Variants in SYCP2 observed in about 807,000 individuals in gnomAD.
SYCP2 encodes the protein synaptonemal complex protein 2.
SYCP2 carries 55 observed loss-of-function variants against 211.3 expected under a neutral mutation model. The ratio of observed to expected loss-of-function variants is 0.26; its 90% CI spans 0.21 to 0.33. SYCP2 has a LOEUF of 0.33. SYCP2 is among the 10% of genes least tolerant of loss of function. The pLI is 1.00. For synonymous variants in SYCP2, 570 were observed against 555.2 expected (o/e 1.03, Z -0.37); for missense variants, 1,731 against 1,752.0 (o/e 0.99, Z 0.21).
intron 7 of SYCP2, among the ~76,000 whole-genome samples, chr20:59,916,809 C>T (rs2060451783): frequency 6.6e-6 from 1 of 152,102 alleles, no homozygotes; most frequent in Non-Finnish European, 1.5e-5. Context: ...ATCCCAGCTA[C>T]ATGGGAGGCT....
rs1374963659 is a variant in SYCP2 at position 59,919,600 on chromosome 20, A to G, written c.298-3T>C. 2.6e-6 allele frequency: 4 copies of G among 1,566,004 alleles called. No homozygotes were observed. Among genetic ancestry groups the G allele is most frequent in the Non-Finnish European group, 3.5e-6 (4 of 1,142,752 alleles). On this transcript the variant is annotated splice_polypyrimidine_tract_variant and splice_region_variant and intron_variant, in intron 5 of 44. Coordinates refer to ENST00000357552, the MANE Select transcript of SYCP2 (RefSeq NM_014258.4). ...GATTTTTCAAACCAGGCAACCATGTAAAAAAAGGAATGAACTTATTAGAGT... is the reference window on the plus strand; with the variant it reads ...GATTTTTCAAACCAGGCAACCATGTGAAAAAAGGAATGAACTTATTAGAGT...
intron 2 of SYCP2, among the ~76,000 whole-genome samples, chr20:59,930,616 T>G (rs138017873): frequency 6.6e-6 from 1 of 152,336 alleles, no homozygotes; most frequent in African/African-American, 2.4e-5. Context: ...GTAAGCAATC[T>G]ATATTAATAT....
chr20:59,892,785 A>C, intron 22 of SYCP2, 84 bp from the exon 23 acceptor site: 1 of 1,267,060 alleles, frequency 7.9e-7, no homozygotes, highest in Non-Finnish European at 1.1e-6. Flanking sequence ...GTCAACGTTT[A>C]CTGAAAGCGA....
At chr20:59,901,107 T>C (rs545535447) in intron 16 of SYCP2, among the ~76,000 whole-genome samples, 9 of 151,986 alleles carry the variant, frequency 5.9e-5, no homozygotes, top group Non-Finnish European at 1.0e-4. Context: ...CAATTGAATA[T>C]CTCCCCAAAA....
At chr20:59,897,867 T>A (rs1424636072) in intron 18 of SYCP2, among the ~76,000 whole-genome samples, 2 of 152,054 alleles carry the variant, frequency 1.3e-5, no homozygotes, top group Non-Finnish European at 2.9e-5. Flanking sequence ...GCAGATCACC[T>A]GAGGTCAGGA....
intron 18 of SYCP2, among the ~76,000 whole-genome samples, chr20:59,896,899 T>C (rs1054581227): frequency 6.6e-6 from 1 of 152,200 alleles, no homozygotes; most frequent in Non-Finnish European, 1.5e-5. Context: ...GGATTACATA[T>C]TTATATGAAA....
rs188447476 is a variant in SYCP2, at chr20:59,915,135, T to C, written c.634+30A>G. ...CTATCTGCTATTCATAAATATGGAA[T>C]AATTTTAGATTTGGAAAAGACATAC... On this transcript the variant is annotated intron_variant, in intron 10 of 44. Transcript: ENST00000357552. 16 of 1,398,232 alleles carry C rather than the reference T, an allele frequency of 1.1e-5. No homozygotes were observed. In the East Asian group the frequency reaches 2.8e-4, roughly 24 times the overall value. The allele number at this position is 1,398,232 out of a possible 1,614,324, so 86.6% of individuals were successfully genotyped here. A position where few individuals can be genotyped will look rare whatever the true frequency, so the allele number is the denominator to read the frequency against.
chr20:59,864,125 T>G lies in SYCP2; in HGVS notation c.*186A>C. ...TGTATAGACAGAAGTCTTCTGGGCTTGGACTCATGTTATAGTGGTTCCCTC... is the reference window on the plus strand; with the variant it reads ...TGTATAGACAGAAGTCTTCTGGGCTGGGACTCATGTTATAGTGGTTCCCTC... On this transcript the variant is annotated 3_prime_UTR_variant, in exon 45 of 45. Coordinates refer to ENST00000357552, the MANE Select transcript of SYCP2 (RefSeq NM_014258.4). The G allele has an allele frequency of 2.5e-6, 1 of 402,106 alleles. No individual in the cohort carries two copies. Among genetic ancestry groups the G allele is most frequent in the Middle Eastern group, 6.8e-4 (1 of 1,464 alleles). 24.9% of individuals were successfully genotyped at this position (402,106 alleles called of 1,614,324 possible).
intron 8 of SYCP2, 135 bp from the exon 9 acceptor site, chr20:59,915,685 T>G (rs2060426229): frequency 1.6e-6 from 1 of 616,266 alleles, no homozygotes; most frequent in East Asian, 2.9e-5. Context: ...TGGAGTAGGA[T>G]GGAGGAAAGA....
chr20:59,902,906 A>G (rs996370059), intron 15 of SYCP2, among the ~76,000 whole-genome samples: 1 of 152,162 alleles, frequency 6.6e-6, no homozygotes, highest in African/African-American at 2.4e-5. Context: ...TCATGTTTTG[A>G]TGAAAATTAA....
At position 59,864,244 on chromosome 20, in the gene SYCP2, AT is replaced by A; in HGVS notation, c.*66del. ...TGTATATTTTTCTCTTTGTAGGACT[AT>A]TCTTATTTCCTCAGTTATATACAGA... is the stretch of plus-strand genomic sequence containing the variant. On this transcript the variant is annotated 3_prime_UTR_variant, in exon 45 of 45. Transcript: ENST00000357552. 1 of 1,139,638 alleles carries A rather than the reference AT, an allele frequency of 8.8e-7. No homozygotes were observed. The highest frequency in any genetic ancestry group is 1.3e-6 in the Non-Finnish European group (1 of 789,474). 70.6% of individuals were successfully genotyped at this position (1,139,638 alleles called of 1,614,324 possible). A position where few individuals can be genotyped will look rare whatever the true frequency, so the allele number is the denominator to read the frequency against.
chr20:59,865,866 C>A lies in SYCP2; in HGVS notation c.4321-1G>T. ...TCTGAAATATCTTTTCCCAAAAGTC[C>A]TAAATTAATTAATAAAATTTTATTT... is the stretch of plus-strand genomic sequence containing the variant. On this transcript the variant is annotated splice_acceptor_variant, in intron 41 of 44. Transcript: ENST00000357552. LOFTEE classifies it high-confidence loss of function. The A allele has an allele frequency of 7.5e-7, 1 of 1,337,152 alleles. No homozygotes were observed. Among genetic ancestry groups the A allele is most frequent in the South Asian group, 1.8e-5 (1 of 55,234 alleles). 82.8% of individuals were successfully genotyped at this position (1,337,152 alleles called of 1,614,324 possible).
At chr20:59,895,380 C>T (rs1428920262) in intron 20 of SYCP2, 57 bp downstream of exon 20, 1 of 1,453,038 alleles carries the variant, frequency 6.9e-7, no homozygotes, top group Non-Finnish European at 9.4e-7. Context: ...TAGCTCAATA[C>T]ATATTTCCAC....
At chr20:59,888,458 T>TA (rs769124473) in intron 24 of SYCP2, among the ~76,000 whole-genome samples, 3 of 151,908 alleles carry the variant, frequency 2.0e-5, no homozygotes, top group Non-Finnish European at 2.9e-5. Flanking sequence ...AGATTCACGA[T>TA]AAAAAACCCT....
intron 7 of SYCP2, among the ~76,000 whole-genome samples, chr20:59,917,208 CATTA>C (rs1376852000): frequency 2.6e-5 from 4 of 152,010 alleles, no homozygotes; most frequent in South Asian, 2.1e-4. Flanking sequence ...AAACTGACCT[CATTA>C]ATTTTTAGTT....
chr20:59,878,001 G>C lies in SYCP2; in HGVS notation c.2979+7C>G. Reference sequence around the variant, plus strand: ...AGGGATGTTTGAACACAAACTTCTTGGCTTACCATTTTAGAGCTTGGCTGT... The same window carrying C: ...AGGGATGTTTGAACACAAACTTCTTCGCTTACCATTTTAGAGCTTGGCTGT... On this transcript the variant is annotated splice_region_variant and intron_variant, in intron 32 of 44. Coordinates refer to ENST00000357552, the MANE Select transcript of SYCP2 (RefSeq NM_014258.4). 1 of 1,598,296 alleles carries C rather than the reference G, an allele frequency of 6.3e-7. No homozygotes were observed. Among genetic ancestry groups the C allele is most frequent in the East Asian group, 2.3e-5 (1 of 44,270 alleles).
rs764994250 is a variant in SYCP2, at chr20:59,921,459, G to C, written c.25-6C>G. On this transcript the variant is annotated splice_region_variant and splice_polypyrimidine_tract_variant and intron_variant, in intron 3 of 44. Coordinates refer to ENST00000357552, the MANE Select transcript of SYCP2 (RefSeq NM_014258.4). ...TCAATGCATTTTTCCAACTGCTAGA[G>C]AAATATATTTAATGGCACATACTGT... is the stretch of plus-strand genomic sequence containing the variant. 2 of 1,593,104 alleles carry C rather than the reference G, an allele frequency of 1.3e-6. No individual in the cohort carries two copies. The highest frequency in any genetic ancestry group is 1.7e-6 in the Non-Finnish European group (2 of 1,168,378).
At chr20:59,919,781 T>C (rs185127573) in intron 5 of SYCP2, among the ~76,000 whole-genome samples, 184 bp from the exon 6 acceptor site, 82 of 151,796 alleles carry the variant, frequency 5.4e-4, no homozygotes, top group African/African-American at 1.9e-3. Flanking sequence ...TCTTTTCCCA[T>C]TGTTTAAAAT....
Position 59,911,906 on chromosome 20 carries a change from T to C in SYCP2, c.877-61A>G, listed in dbSNP as rs2060337135. ...TGATTTTAGAAATAACAGACAATTA[T>C]GATGTTATATTCATGGCTAAAGCAA... On this transcript the variant is annotated intron_variant, in intron 13 of 44. Transcript: ENST00000357552. 1.9e-5 allele frequency: 15 copies of C among 782,920 alleles called. 1 individual carries two copies. In the South Asian group the frequency reaches 2.9e-4, roughly 15 times the overall value. 48.5% of individuals were successfully genotyped at this position (782,920 alleles called of 1,614,324 possible). A position where few individuals can be genotyped will look rare whatever the true frequency, so the allele number is the denominator to read the frequency against.
Sources: allele counts gnomAD v4.1 joint callset (sites outside exome capture counted in the v4.1 genomes callset), GRCh38; gene constraint gnomAD v4.1.1; transcripts MANE v1.5; gene names NCBI Gene and HGNC (gene_info 2026-07-23, HGNC 2026-07-21).